Variants in TEX11 observed in about 807,000 individuals in gnomAD.
TEX11 encodes testis expressed 11.
Under a neutral mutation model 84.4 loss-of-function variants are expected in TEX11, and 7 were observed. The observed-to-expected ratio is 0.08, with a 90% CI of 0.05 to 0.16. The LOEUF is 0.16. Ranked by LOEUF, TEX11 falls within the 10% of genes least tolerant of loss-of-function variation. TEX11 has a pLI of 1.00. For missense variants in TEX11, 551 were observed against 660.5 expected, an observed-to-expected ratio of 0.83 and a Z score of 1.82; for synonymous variants, 264 against 222.8, an observed-to-expected ratio of 1.18 and a Z score of -1.64.
intron 17 of TEX11, among the ~76,000 whole-genome samples, chrX:70,637,194 A>G (rs886980645): frequency 8.9e-6 from 1 of 112,306 alleles, no homozygotes; most frequent in African/African-American, 3.2e-5. Flanking sequence ...CAAAACCACA[A>G]TGAGATACCA....
intron 2 of TEX11, among the ~76,000 whole-genome samples, chrX:70,893,913 A>G (rs1402854836): frequency 8.9e-6 from 1 of 112,150 alleles, no homozygotes; most frequent in Non-Finnish European, 1.9e-5. Flanking sequence ...TCCCACAGAA[A>G]TACAAATTAC....
At chrX:70,517,464 G>A in the TEX11 span, among the ~76,000 whole-genome samples, 1 of 110,966 alleles carries the variant, frequency 9.0e-6, no homozygotes, top group African/African-American at 3.3e-5. Context: ...GTATCCCAGG[G>A]TTGAAGCCAA....
intron 4 of TEX11, among the ~76,000 whole-genome samples, chrX:70,867,690 GGAACA>G (rs969369729): frequency 1.8e-5 from 2 of 110,511 alleles, no homozygotes; most frequent in Non-Finnish European, 3.8e-5. Context: ...ATACACCAAT[GGAACA>G]GAACAGAGGC....
chrX:70,602,069 G>T (rs1216989026), intron 24 of TEX11, among the ~76,000 whole-genome samples: 2 of 111,404 alleles, frequency 1.8e-5, no homozygotes, highest in African/African-American at 3.3e-5. Flanking sequence ...CCCAGATGGG[G>T]TCCTGGCCGG....
chrX:70,751,991 T>C (rs1429819782), intron 9 of TEX11, among the ~76,000 whole-genome samples: 1 of 112,374 alleles, frequency 8.9e-6, no homozygotes, highest in Non-Finnish European at 1.9e-5. Context: ...TTGTAATATA[T>C]TCGATAACGA....
chrX:70,791,371 T>G (rs1473041621), intron 9 of TEX11, among the ~76,000 whole-genome samples: 1 of 112,014 alleles, frequency 8.9e-6, no homozygotes, highest in East Asian at 2.8e-4. Flanking sequence ...AAACAAGTAC[T>G]TCTAGACCTA....
At chrX:70,866,372 G>A (rs2091599074) in intron 4 of TEX11, among the ~76,000 whole-genome samples, 1 of 105,973 alleles carries the variant, frequency 9.4e-6, no homozygotes, top group African/African-American at 3.5e-5. Context: ...CCACTAACAA[G>A]TTCTGAAATT....
intron 7 of TEX11, among the ~76,000 whole-genome samples, chrX:70,842,473 G>C (rs1467932297): frequency 9.0e-6 from 1 of 111,447 alleles, no homozygotes; most frequent in Non-Finnish European, 1.9e-5. Flanking sequence ...GTATTCATGG[G>C]ACATATCTCC....
At chrX:70,699,418 C>T (rs1451465511) in intron 13 of TEX11, among the ~76,000 whole-genome samples, 2 of 111,338 alleles carry the variant, frequency 1.8e-5, no homozygotes, top group South Asian at 3.8e-4. Flanking sequence ...CAATAGATAA[C>T]CCAAAGACCC....
chrX:70,597,453 T>C (rs912516662), intron 24 of TEX11, among the ~76,000 whole-genome samples: 2 of 112,329 alleles, frequency 1.8e-5, no homozygotes, highest in African/African-American at 6.5e-5. Context: ...TGGAATAGAA[T>C]TGAGAATAAA....
the TEX11 span, among the ~76,000 whole-genome samples, chrX:70,520,318 T>A: frequency 8.9e-6 from 1 of 111,999 alleles, no homozygotes; most frequent in Non-Finnish European, 1.9e-5. Context: ...GATGTCCTTT[T>A]TGTTGATGTT....
intron 5 of TEX11, among the ~76,000 whole-genome samples, chrX:70,858,995 G>A (rs895255966): frequency 1.8e-5 from 2 of 110,422 alleles, no homozygotes; most frequent in Middle Eastern, 4.6e-3. Context: ...CTGAGATCGT[G>A]CCACTGCACT....
At chrX:70,679,333 G>A (rs1301569875) in intron 14 of TEX11, among the ~76,000 whole-genome samples, 2 of 110,623 alleles carry the variant, frequency 1.8e-5, no homozygotes, top group African/African-American at 3.3e-5. Flanking sequence ...CCAAAGTGCC[G>A]AGATTGCAGC....
intron 4 of TEX11, among the ~76,000 whole-genome samples, chrX:70,866,246 G>A (rs1377917242): frequency 1.8e-5 from 2 of 111,134 alleles, no homozygotes; most frequent in African/African-American, 6.5e-5. Flanking sequence ...TACCATCAGA[G>A]AATACTATAA....
At chrX:70,613,036 G>T (rs2089279210) in intron 20 of TEX11, among the ~76,000 whole-genome samples, 1 of 111,862 alleles carries the variant, frequency 8.9e-6, no homozygotes, top group Non-Finnish European at 1.9e-5. Context: ...TTATTTAAAT[G>T]TTGAGAGAAA....
chrX:70,812,179 A>C (rs191317444), intron 8 of TEX11, among the ~76,000 whole-genome samples: 106 of 104,426 alleles, frequency 1.0e-3, no homozygotes, highest in African/African-American at 3.1e-3. Context: ...TTTAGGACTA[A>C]TATTTAAGTC....
intron 24 of TEX11, among the ~76,000 whole-genome samples, chrX:70,602,736 C>T (rs1297990084): frequency 1.9e-5 from 2 of 105,490 alleles, no homozygotes; most frequent in Non-Finnish European, 3.9e-5. Context: ...AAAGGGTATC[C>T]AATTAGGAAA....
intron 25 of TEX11, among the ~76,000 whole-genome samples, chrX:70,569,790 G>T (rs1274318535): frequency 9.0e-6 from 1 of 111,020 alleles, no homozygotes; most frequent in Non-Finnish European, 1.9e-5. Context: ...GGAGTACCCA[G>T]CTGTGTGAGG....
Position 70,569,611 on chromosome X carries a change from C to T in TEX11, c.2141-14811G>A, listed in dbSNP as rs183410597. Among the ~76,000 whole-genome samples, 692 of 112,031 alleles carry T rather than the reference C, an allele frequency of 6.2e-3. 5 individuals carry two copies. The highest frequency in any genetic ancestry group is 0.02 in the African/African-American group (613 of 30,863). On this transcript the variant is annotated intron_variant, in intron 25 of 29. Transcript: ENST00000374333. ...TGTGGATGTCCTTTCTGTTTGTTAGCTTTCCTTCTAACAGACAGGACCCTC... is the reference window on the plus strand; with the variant it reads ...TGTGGATGTCCTTTCTGTTTGTTAGTTTTCCTTCTAACAGACAGGACCCTC...
Sources: allele counts gnomAD v4.1 joint callset (sites outside exome capture counted in the v4.1 genomes callset), GRCh38; gene constraint gnomAD v4.1.1; transcripts MANE v1.5; gene names NCBI Gene and HGNC (gene_info 2026-07-23, HGNC 2026-07-21).